KIRREL3: variants seen among roughly 807,000 people sequenced by gnomAD.
KIRREL3 encodes the protein kin of IRRE-like protein 3.
In KIRREL3, 36 loss-of-function variants were observed where a neutral mutation model predicts 89.7. The ratio of observed to expected loss-of-function variants is 0.40; its 90% confidence interval spans 0.31 to 0.53. KIRREL3 has a LOEUF of 0.53. KIRREL3 is among the 20% of genes least tolerant of loss of function. The pLI is 0.49. For synonymous variants in KIRREL3, 445 were observed against 441.4 expected (o/e 1.01, Z -0.10); for missense variants, 864 against 1,056.6 (o/e 0.82, Z 2.53).
intron 2 of KIRREL3, chr11:126,549,273 A>G (rs957978113): frequency 1.3e-5 from 2 of 152,206 alleles, no homozygotes. Context: ...CCATACCAGT[A>G]ACAACACAGT....
At position 126,696,984 on chromosome 11, in the gene KIRREL3, C is replaced by CA. The variant is rs995752214; in HGVS notation, c.56-134073dup. On this transcript the variant is annotated intron_variant, in intron 1 of 16. Transcript: ENST00000525144. The surrounding 1 kb of genome is among the most constrained non-coding windows in gnomAD (Gnocchi z 4.4). ...AGTGGTATAATGCACTTAAACATGA[C>CA]AAAAAAAATGCACTAAATAAGTGTC... Among the ~76,000 whole-genome samples the CA allele has an allele frequency of 4.6e-5, 7 of 151,864 alleles. No homozygotes were observed. The highest frequency in any genetic ancestry group is 9.7e-5 in the African/African-American group (4 of 41,334).
chr11:126,576,623 A>G lies in KIRREL3; in HGVS notation c.56-13711T>C, dbSNP rs1318545639. Among the ~76,000 whole-genome samples the G allele has an allele frequency of 6.6e-6, 1 of 152,222 alleles. No homozygotes were observed. The highest frequency in any genetic ancestry group is 1.5e-5 in the Non-Finnish European group (1 of 68,038). On this transcript the variant is annotated intron_variant, in intron 1 of 16. Coordinates refer to ENST00000525144, the MANE Select transcript of KIRREL3 (RefSeq NM_032531.4). The surrounding 1 kb of genome is among the most constrained non-coding windows in gnomAD (Gnocchi z 5.4). ...TCACCAAACCCTCTCTCAGGCTGGC[A>G]GTGTGCCACCCACCACAGCTTGGCC... is the stretch of plus-strand genomic sequence containing the variant.
intron 1 of KIRREL3, chr11:126,944,799 G>C (rs1341282484): frequency 2.0e-5 from 3 of 152,232 alleles, no homozygotes; most frequent in Non-Finnish European, 2.9e-5. Flanking sequence ...CATTGCTCCT[G>C]GGGCCGCTAA....
In KIRREL3 at chr11:126,569,970, C is replaced by T. The variant is rs893959486; in HGVS notation, c.56-7058G>A. On this transcript the variant is annotated intron_variant, in intron 1 of 16. Transcript: ENST00000525144. This position sits in a 1 kb window ranked among gnomAD's most constrained non-coding sequence, Gnocchi z 6.5. ...CGGTTCTGCCTACTCCTATTTTCAGCATAATTACTCATATCCCAGGCAATA... is the reference window on the plus strand; with the variant it reads ...CGGTTCTGCCTACTCCTATTTTCAGTATAATTACTCATATCCCAGGCAATA... 1.3e-5 allele frequency among the ~76,000 whole-genome samples: 2 copies of T among 152,110 alleles called. No homozygotes were observed. The highest frequency in any genetic ancestry group is 2.9e-5 in the Non-Finnish European group (2 of 68,026).
chr11:126,710,558 C>T lies in KIRREL3; in HGVS notation c.56-147646G>A, dbSNP rs532711692. ...GATGGGAGCTTGGAGGACTATTTTG[C>T]TAAATGATGCACCCTGTGAATAACC... On this transcript the variant is annotated intron_variant, in intron 1 of 16. Coordinates refer to ENST00000525144, the MANE Select transcript of KIRREL3 (RefSeq NM_032531.4). The surrounding 1 kb of genome is among the most constrained non-coding windows in gnomAD (Gnocchi z 4.2). 1.3e-3 allele frequency among the ~76,000 whole-genome samples: 194 copies of T among 152,242 alleles called. No individual in the cohort carries two copies. The highest frequency in any genetic ancestry group is 4.3e-3 in the African/African-American group (179 of 41,554).
At chr11:126,632,828 A>G (rs1330222361) in intron 1 of KIRREL3, among the ~76,000 whole-genome samples, 1 of 89,480 alleles carries the variant, frequency 1.1e-5, no homozygotes, top group African/African-American at 4.0e-5. Context: ...GCGGTAGCTC[A>G]TGCCTGTAAT....
chr11:126,927,123 C>T (rs997163617), intron 1 of KIRREL3, among the ~76,000 whole-genome samples: 7 of 152,226 alleles, frequency 4.6e-5, no homozygotes, highest in East Asian at 1.9e-4. Context: ...GAATCAAAGC[C>T]TTTCTTTTCA....
rs1946197699 is a variant in KIRREL3, at chr11:126,897,153, C to A, written c.55+103302G>T. Among the ~76,000 whole-genome samples the A allele has an allele frequency of 6.6e-6, 1 of 152,112 alleles. No homozygotes were observed. Among genetic ancestry groups the A allele is most frequent in the South Asian group, 2.1e-4 (1 of 4,820 alleles). On this transcript the variant is annotated intron_variant, in intron 1 of 16. Coordinates refer to ENST00000525144, the MANE Select transcript of KIRREL3 (RefSeq NM_032531.4). The surrounding 1 kb of genome is among the most constrained non-coding windows in gnomAD (Gnocchi z 4.2). Reference sequence around the variant, plus strand: ...CAACTAAAGCAAACCCTTCTGGTCACCCTGGGTCAGAGGAGCACAGGTGGT... The same window carrying A: ...CAACTAAAGCAAACCCTTCTGGTCAACCTGGGTCAGAGGAGCACAGGTGGT...
At chr11:126,634,286 C>T (rs371984300) in intron 1 of KIRREL3, among the ~76,000 whole-genome samples, 47 of 152,304 alleles carry the variant, frequency 3.1e-4, no homozygotes, top group African/African-American at 1.0e-3. Flanking sequence ...TACTTTGTGC[C>T]GGACCCTATG....
chr11:126,588,978 G>A (rs960737789), intron 1 of KIRREL3, among the ~76,000 whole-genome samples: 4 of 152,260 alleles, frequency 2.6e-5, no homozygotes, highest in South Asian at 2.1e-4. Context: ...AATTTGGGCC[G>A]TGAAGCCTGG....
At chr11:126,790,491 T>C (rs1273396359) in intron 1 of KIRREL3, among the ~76,000 whole-genome samples, 1 of 152,156 alleles carries the variant, frequency 6.6e-6, no homozygotes, top group Non-Finnish European at 1.5e-5. Flanking sequence ...CATGAGGTTA[T>C]TGTAAGGATT....
At chr11:126,878,309 C>G (rs983698696) in intron 1 of KIRREL3, among the ~76,000 whole-genome samples, 2 of 152,166 alleles carry the variant, frequency 1.3e-5, no homozygotes, top group African/African-American at 2.4e-5. Context: ...AGTTGTATTA[C>G]AGGTGACTAA....
chr11:126,493,287 C>T (rs1401703133), intron 4 of KIRREL3, among the ~76,000 whole-genome samples: 4 of 151,472 alleles, frequency 2.6e-5, no homozygotes, highest in Admixed American at 6.6e-5. Flanking sequence ...TTTGGGAGGC[C>T]GAGACGGGTG....
intron 1 of KIRREL3, among the ~76,000 whole-genome samples, chr11:126,573,035 G>A (rs891950100): frequency 3.9e-5 from 6 of 152,188 alleles, no homozygotes; most frequent in South Asian, 2.1e-4. Context: ...AATGTCCTGC[G>A]AGTGGGGAGT....
chr11:126,923,861 C>T (rs1415111895), intron 1 of KIRREL3, among the ~76,000 whole-genome samples: 2 of 152,190 alleles, frequency 1.3e-5, no homozygotes, highest in East Asian at 3.8e-4. Context: ...TACTGGACAT[C>T]TCTACTTAGA....
intron 2 of KIRREL3, among the ~76,000 whole-genome samples, chr11:126,548,195 T>C (rs910697060): frequency 6.6e-5 from 10 of 152,190 alleles, no homozygotes; most frequent in African/African-American, 2.4e-4. Context: ...CCTTCTGCCA[T>C]TTTATTATAT....
In KIRREL3 at chr11:126,742,398, C is replaced by G. The variant is rs1407946369; in HGVS notation, c.56-179486G>C. 6.6e-6 allele frequency among the ~76,000 whole-genome samples: 1 copy of G among 152,122 alleles called. No homozygotes were observed. Among genetic ancestry groups the G allele is most frequent in the Non-Finnish European group, 1.5e-5 (1 of 68,028 alleles). The stretch of plus-strand genomic sequence containing the variant: ...GTGGTTCTAATTTATTTTCATGCCT[C>G]AGTGAGCTGGACTGATAATATGGAA... On this transcript the variant is annotated intron_variant, in intron 1 of 16. Coordinates refer to ENST00000525144, the MANE Select transcript of KIRREL3 (RefSeq NM_032531.4). This position sits in a 1 kb window ranked among gnomAD's most constrained non-coding sequence, Gnocchi z 5.3.
At chr11:126,529,305 G>T (rs1249746191) in intron 2 of KIRREL3, among the ~76,000 whole-genome samples, 1 of 152,176 alleles carries the variant, frequency 6.6e-6, no homozygotes, top group South Asian at 2.1e-4. Context: ...GGAAGGCAAC[G>T]CTGGGAAGGG....
intron 13 of KIRREL3, among the ~76,000 whole-genome samples, chr11:126,433,137 C>G (rs1321174360): frequency 6.6e-6 from 1 of 152,170 alleles, no homozygotes; most frequent in Non-Finnish European, 1.5e-5. Context: ...CCTCAGCCTC[C>G]GAAAGTGCTG....
Sources: gnomAD v4.1 joint callset for allele counts (sites outside exome capture counted in the v4.1 genomes callset) on GRCh38, gnomAD v4.1.1 for gene constraint, Gnocchi (gnomAD v3.1) non-coding constraint, MANE v1.5 for transcripts, NCBI Gene and HGNC (gene_info 2026-07-23, HGNC 2026-07-21) for gene names.